CACNA1A: variants seen among roughly 807,000 people sequenced by gnomAD.
The protein encoded by CACNA1A is calcium voltage-gated channel subunit alpha1 A.
Under a neutral mutation model 262.4 loss-of-function variants are expected in CACNA1A, and 57 were observed. The ratio of observed to expected loss-of-function variants is 0.22; its 90% confidence interval spans 0.18 to 0.27. The LOEUF (loss-of-function observed/expected upper bound fraction) is 0.27, where lower values mean the gene tolerates loss of function less well. Among genes scored for constraint, CACNA1A ranks in the 10% least tolerant of loss-of-function variants. The pLI, the probability that CACNA1A is intolerant of heterozygous loss-of-function variation, is 1.00. For synonymous variants in CACNA1A, 1,431 were observed against 1,419.3 expected (o/e 1.01, Z -0.18); for missense variants, 2,526 against 3,562.8 (o/e 0.71, Z 7.41).
chr19:13,222,895 A>G (rs1373020446), intron 38 of CACNA1A, among the ~76,000 whole-genome samples: 4 of 150,038 alleles, frequency 2.7e-5, no homozygotes, highest in Non-Finnish European at 5.9e-5. Flanking sequence ...GGGTTTCACC[A>G]TGTTGGCCAG....
At chr19:13,295,549 T>G (rs1479137730) in intron 19 of CACNA1A, among the ~76,000 whole-genome samples, 1 of 151,536 alleles carries the variant, frequency 6.6e-6, no homozygotes, top group Non-Finnish European at 1.5e-5. Flanking sequence ...TGGAATGCAA[T>G]GGCATAATCA....
intron 1 of CACNA1A, among the ~76,000 whole-genome samples, chr19:13,480,487 C>CCAGTATATAAACTGGTAAGGCCAG (rs1979147735): frequency 6.6e-6 from 1 of 152,032 alleles, no homozygotes; most frequent in African/African-American, 2.4e-5. Flanking sequence ...ACTGGTAAGG[C>CCAGTATATAAACTGGTAAGGCCAG]TTCTGGTCAA....
rs1301906386 is a variant in CACNA1A at position 13,347,205 on chromosome 19, T to C, written c.979-11296A>G. On this transcript the variant is annotated intron_variant, in intron 6 of 46. Transcript: ENST00000360228. ...TCTCAAGTAGCTGGGCCTACAGGCA[T>C]GCTCCACCATGTCCAGCTAATTTTT... 3.3e-5 allele frequency among the ~76,000 whole-genome samples: 5 copies of C among 151,694 alleles called. No individual in the cohort carries two copies. In the East Asian group the frequency reaches 9.7e-4, roughly 29 times the overall value.
chr19:13,228,714 A>G lies in CACNA1A; in HGVS notation c.5529-1187T>C, dbSNP rs201292159. 1.4e-5 allele frequency: 23 copies of G among 1,594,480 alleles called. No individual in the cohort carries two copies. Among genetic ancestry groups the G allele is most frequent in the East Asian group, 2.3e-5 (1 of 43,218 alleles). On this transcript the variant is annotated intron_variant, in intron 36 of 46. Transcript: ENST00000360228. The stretch of plus-strand genomic sequence containing the variant: ...GAAGTCAAACCTTGCAAGCAACCCT[A>G]TGAGGACATTTCTTGCCTAAGCCGA...
chr19:13,280,692 G>A (rs1284623469), intron 22 of CACNA1A, among the ~76,000 whole-genome samples: 3 of 151,968 alleles, frequency 2.0e-5, no homozygotes, highest in African/African-American at 7.2e-5. Flanking sequence ...TGTAATCCCA[G>A]CACTTTGGGA....
At position 13,259,599 on chromosome 19, in the gene CACNA1A, G is replaced by C; in HGVS notation, c.4353C>G (p.Thr1451=). The C allele has an allele frequency of 1.2e-6, 2 of 1,609,820 alleles. No homozygotes were observed. The highest frequency in any genetic ancestry group is 1.7e-6 in the Non-Finnish European group (2 of 1,178,076). ...HYDNVLWALL[T]LFTVSTGEGW... ...CTTCTCCCGTGGACACGGTGAAGAG[G>C]GTCAGCAGAGCCCACAGCACATTGT... The change falls in exon 27 of 47, where the codon ACC becomes ACG. Residue 1451 remains threonine (T), a synonymous_variant. Coordinates refer to ENST00000360228, the MANE Select transcript of CACNA1A (RefSeq NM_001127222.2).
chr19:13,349,007 CAAAAAAA>C lies in CACNA1A; in HGVS notation c.978+10592_978+10598del, dbSNP rs60884577. Among the ~76,000 whole-genome samples, 23 of 59,682 alleles carry C rather than the reference CAAAAAAA, an allele frequency of 3.9e-4. No individual in the cohort carries two copies. The Admixed American group carries it at 4.1e-3, about 11-fold the overall frequency. The allele number at this position is 59,682 out of a possible 152,430, so 39.2% of individuals were successfully genotyped here. ...TGGGTGACAGAGTGAGACGCTGTCT[CAAAAAAA>C]AAAAAAAAAAAAAAGAGAGACAAAG... is the stretch of plus-strand genomic sequence containing the variant. On this transcript the variant is annotated intron_variant, in intron 6 of 46. Transcript: ENST00000360228.
At chr19:13,292,956 A>G (rs1446642932) in intron 19 of CACNA1A, among the ~76,000 whole-genome samples, 2 of 152,048 alleles carry the variant, frequency 1.3e-5, no homozygotes, top group African/African-American at 2.4e-5. Context: ...TGATGTGTCT[A>G]TTAATAATGG....
chr19:13,207,978 G>C lies in CACNA1A; in HGVS notation c.6856C>G (p.Leu2286Val). 7.5e-7 allele frequency: 1 copy of C among 1,333,056 alleles called. No individual in the cohort carries two copies. Among genetic ancestry groups the C allele is most frequent in the Non-Finnish European group, 9.6e-7 (1 of 1,046,320 alleles). The allele number at this position is 1,333,056 out of a possible 1,614,324, so 82.6% of individuals were successfully genotyped here. The part of the protein sequence containing the change: ...TSTPRRGRRQ[L>V]PQTPSTPRPH... ...CGGGGGGTGGAGGGGGTCTGGGGGA[G>C]CTGGCGGCGGCCCCGCCGCGGAGTG... Residue 2286 changes from leucine to valine, a missense_variant, in exon 47 of 47, where the codon CTC becomes GTC. By Grantham distance (32) the Leu-to-Val change is conservative (BLOSUM62 1). Coordinates refer to ENST00000360228, the MANE Select transcript of CACNA1A (RefSeq NM_001127222.2). This position sits in a 1 kb window ranked among gnomAD's most constrained non-coding sequence, Gnocchi z 5.7.
chr19:13,403,635 A>G (rs1395135600), intron 3 of CACNA1A, among the ~76,000 whole-genome samples: 1 of 152,128 alleles, frequency 6.6e-6, no homozygotes, highest in East Asian at 1.9e-4. Context: ...GTGCTTGGCG[A>G]CCTTTATAAG....
At chr19:13,447,577 C>T (rs947407798) in intron 3 of CACNA1A, among the ~76,000 whole-genome samples, 1 of 152,210 alleles carries the variant, frequency 6.6e-6, no homozygotes, top group Non-Finnish European at 1.5e-5. Context: ...TAAAGTCCCA[C>T]GATAGCCCAT....
intron 6 of CACNA1A, among the ~76,000 whole-genome samples, chr19:13,343,797 C>T (rs756137825): frequency 2.6e-5 from 4 of 152,154 alleles, no homozygotes; most frequent in Non-Finnish European, 4.4e-5. Flanking sequence ...AATAGAGACA[C>T]AACACACCAA....
At chr19:13,444,085 T>C (rs921963115) in intron 3 of CACNA1A, among the ~76,000 whole-genome samples, 4 of 152,204 alleles carry the variant, frequency 2.6e-5, no homozygotes, top group Non-Finnish European at 5.9e-5. Context: ...TAGGAAGTGA[T>C]GTGGTTCCTG....
chr19:13,299,154 G>C lies in CACNA1A; in HGVS notation c.2479C>G (p.Pro827Ala). The change falls in exon 19 of 47, where the codon CCG becomes GCG. Residue 827 changes from proline to alanine, a missense_variant. Transcript: ENST00000360228. ...THLDRPLVVDPQENRNNNTNK... is the reference protein window; with the variant it reads ...THLDRPLVVDAQENRNNNTNK... ...GTGTTGTTGTTGCGGTTCTCCTGCG[G>C]GTCCACCACCAGCGGCCGGTCCAAG... 6.2e-7 allele frequency: 1 copy of C among 1,613,318 alleles called. No homozygotes were observed. The highest frequency in any genetic ancestry group is 8.5e-7 in the Non-Finnish European group (1 of 1,179,876).
At chr19:13,505,036 C>G (rs754634564) in intron 1 of CACNA1A, among the ~76,000 whole-genome samples, 5 of 152,120 alleles carry the variant, frequency 3.3e-5, no homozygotes, top group Non-Finnish European at 5.9e-5. Flanking sequence ...TCCTGGTGTT[C>G]CCTCTCGGCT....
intron 1 of CACNA1A, among the ~76,000 whole-genome samples, chr19:13,459,220 T>C (rs1278776756): frequency 1.3e-5 from 2 of 152,100 alleles, no homozygotes; most frequent in East Asian, 1.9e-4. Flanking sequence ...AATTAATTGG[T>C]TTCAGTCTCC....
chr19:13,332,844 CCT>C (rs1444116384), intron 9 of CACNA1A, 23 bp downstream of exon 9: 5 of 1,542,962 alleles, frequency 3.2e-6, no homozygotes, highest in Admixed American at 1.7e-5. Context: ...GGGACCCACC[CCT>C]GAGGTGGGTT....
At position 13,207,955 on chromosome 19, in the gene CACNA1A, G is replaced by A. The variant is rs969442705; in HGVS notation, c.6879C>T (p.Pro2293=). Residue 2293 remains proline, a synonymous_variant, in exon 47 of 47, where the codon CCC becomes CCT. Transcript: ENST00000360228. The surrounding 1 kb of genome is among the most constrained non-coding windows in gnomAD (Gnocchi z 5.7). ...RRQLPQTPST[P]RPHVSYSPVI... ...CAGGGGAATAGGACACGTGTGGCCG[G>A]GGGGTGGAGGGGGTCTGGGGGAGCT... 6.6e-6 allele frequency: 9 copies of A among 1,363,678 alleles called. No individual in the cohort carries two copies. The highest frequency in any genetic ancestry group is 1.5e-5 in the African/African-American group (1 of 65,326). 84.5% of individuals were successfully genotyped at this position (1,363,678 alleles called of 1,614,324 possible). A position where few individuals can be genotyped will look rare whatever the true frequency, so the allele number is the denominator to read the frequency against.
At chr19:13,288,798 T>G (rs960510766) in intron 19 of CACNA1A, among the ~76,000 whole-genome samples, 2 of 152,114 alleles carry the variant, frequency 1.3e-5, no homozygotes, top group Non-Finnish European at 2.9e-5. Context: ...AATAAATAAG[T>G]AATAAATAAA....
Sources: gnomAD v4.1 joint callset for allele counts (sites outside exome capture counted in the v4.1 genomes callset) on GRCh38, gnomAD v4.1.1 for gene constraint, Gnocchi (gnomAD v3.1) non-coding constraint, MANE v1.5 for transcripts, NCBI Gene and HGNC (gene_info 2026-07-23, HGNC 2026-07-21) for gene names.